Variants in FYN observed in about 807,000 individuals in gnomAD.
FYN encodes tyrosine-protein kinase Fyn.
Under a neutral mutation model 70.2 loss-of-function variants are expected in FYN, and 10 were observed. That is an observed-to-expected ratio of 0.14 (90% CI 0.09 to 0.24). The LOEUF (loss-of-function observed/expected upper bound fraction) is 0.24, where lower values mean the gene tolerates loss of function less well. FYN is among the 10% of genes least tolerant of loss of function. The pLI, the probability that FYN is intolerant of heterozygous loss-of-function variation, is 1.00. For missense variants in FYN, 319 were observed against 673.1 expected (o/e 0.47, Z 5.82); for synonymous variants, 236 against 248.6 (o/e 0.95, Z 0.48).
chr6:111,832,711 AAAC>A lies in FYN; in HGVS notation c.-82+13875_-82+13877del, dbSNP rs917180597. Reference sequence around the variant, plus strand: ...GGTTTTTTCCATTTTTTTTGGCCAAAAACAACATTTCCAAATTATTTCCAGAAT... The same window carrying A: ...GGTTTTTTCCATTTTTTTTGGCCAAAAACATTTCCAAATTATTTCCAGAAT... On this transcript the variant is annotated intron_variant, in intron 2 of 13. Transcript: ENST00000354650. Among the ~76,000 whole-genome samples, 114 of 152,306 alleles carry A rather than the reference AAAC, an allele frequency of 7.5e-4. 1 individual carries two copies. Among genetic ancestry groups the A allele is most frequent in the African/African-American group, 2.6e-3 (107 of 41,570 alleles).
intron 8 of FYN, among the ~76,000 whole-genome samples, chr6:111,701,493 A>G (rs1799832414): frequency 6.6e-6 from 1 of 152,184 alleles, no homozygotes; most frequent in Non-Finnish European, 1.5e-5. Flanking sequence ...AAGGCATTTT[A>G]TTGTGTGAGA....
chr6:111,744,481 G>T (rs149447676), intron 3 of FYN, among the ~76,000 whole-genome samples: 68 of 152,344 alleles, frequency 4.5e-4, no homozygotes, highest in Middle Eastern at 3.4e-3. Context: ...CTTAGGGAGG[G>T]CACTCAGCTG....
At chr6:111,756,290 G>T (rs1802730726) in intron 3 of FYN, among the ~76,000 whole-genome samples, 1 of 151,784 alleles carries the variant, frequency 6.6e-6, no homozygotes, top group Admixed American at 6.6e-5. Context: ...TAACAAGACA[G>T]AAACCTGAAT....
chr6:111,675,621 C>T (rs1032266540), intron 12 of FYN, among the ~76,000 whole-genome samples: 16 of 151,714 alleles, frequency 1.1e-4, no homozygotes, highest in African/African-American at 3.9e-4. Flanking sequence ...GGTGAAACCT[C>T]GTCTCTACTA....
chr6:111,755,131 G>A (rs901677574), intron 3 of FYN, among the ~76,000 whole-genome samples: 5 of 152,044 alleles, frequency 3.3e-5, no homozygotes, highest in African/African-American at 1.2e-4. Context: ...GACTAGATGA[G>A]CTTTAAGGCT....
At chr6:111,732,863 G>A (rs539023760) in intron 3 of FYN, among the ~76,000 whole-genome samples, 61 of 152,154 alleles carry the variant, frequency 4.0e-4, no homozygotes, top group East Asian at 1.2e-3. Flanking sequence ...CCTGGGCCCC[G>A]GACAGCTTCA....
chr6:111,715,535 G>A (rs1003572186), intron 4 of FYN, among the ~76,000 whole-genome samples: 2 of 152,088 alleles, frequency 1.3e-5, no homozygotes, highest in Non-Finnish European at 2.9e-5. Context: ...TCAAAAGATG[G>A]TGACTTCCGT....
rs527469892 is a variant in FYN, at chr6:111,705,988, C to T, written c.444-1886G>A. 4.3e-3 allele frequency among the ~76,000 whole-genome samples: 661 copies of T among 152,326 alleles called. 3 individuals are homozygous for T. Among genetic ancestry groups the T allele is most frequent in the African/African-American group, 0.015 (630 of 41,564 alleles). ...TTGGCACAACTGTAAGAACTGGTTACTGTACACCTTTGAGATCTGTGCCCA... is the reference window on the plus strand; with the variant it reads ...TTGGCACAACTGTAAGAACTGGTTATTGTACACCTTTGAGATCTGTGCCCA... On this transcript the variant is annotated intron_variant, in intron 6 of 13. Coordinates refer to ENST00000354650, the MANE Select transcript of FYN (RefSeq NM_002037.5).
intron 2 of FYN, among the ~76,000 whole-genome samples, chr6:111,811,754 T>G (rs1772331885): frequency 6.6e-6 from 1 of 152,222 alleles, no homozygotes; most frequent in Non-Finnish European, 1.5e-5. Flanking sequence ...TAGATCGTTC[T>G]GCCAGGAATT....
At chr6:111,698,976 G>A (rs1298987215) in intron 9 of FYN, among the ~76,000 whole-genome samples, 3 of 152,088 alleles carry the variant, frequency 2.0e-5, no homozygotes, top group East Asian at 1.9e-4. Context: ...CCAGCTACTC[G>A]GGAGGCTGAG....
chr6:111,816,479 A>G (rs1372647271), intron 2 of FYN, among the ~76,000 whole-genome samples: 1 of 152,208 alleles, frequency 6.6e-6, no homozygotes, highest in Non-Finnish European at 1.5e-5. Flanking sequence ...ATAAAAAAAG[A>G]TCTTCCTTTT....
intron 2 of FYN, among the ~76,000 whole-genome samples, chr6:111,838,373 A>G (rs1773253946): frequency 6.6e-6 from 1 of 152,206 alleles, no homozygotes; most frequent in Non-Finnish European, 1.5e-5. Context: ...ACAGATCACA[A>G]ATGCAGAATA....
At chr6:111,844,805 GC>G (rs1338888146) in intron 2 of FYN, 1 of 152,192 alleles carries the variant, frequency 6.6e-6, no homozygotes, top group Non-Finnish European at 1.5e-5. Flanking sequence ...GTGGCCAACA[GC>G]CCTTTTTCCA....
chr6:111,777,334 T>C (rs1338031405), intron 3 of FYN, among the ~76,000 whole-genome samples: 1 of 151,596 alleles, frequency 6.6e-6, no homozygotes, highest in Non-Finnish European at 1.5e-5. Context: ...TATATTTACA[T>C]AAATCAAATG....
rs1470617147 is a variant in FYN at position 111,806,096 on chromosome 6, C to A, written c.-81-25461G>T. ...GACTGGTCACCACATTCTTCCCACG[C>A]AGTTCCTAGGGTGCCCCAGCACTAG... On this transcript the variant is annotated intron_variant, in intron 2 of 13. Transcript: ENST00000354650. Among the ~76,000 whole-genome samples the A allele has an allele frequency of 2.6e-5, 4 of 152,174 alleles. No individual in the cohort carries two copies. In the East Asian group the frequency reaches 5.8e-4, roughly 22 times the overall value.
chr6:111,861,505 G>GAGAT (rs532113817), intron 1 of FYN, among the ~76,000 whole-genome samples: 173 of 152,294 alleles, frequency 1.1e-3, no homozygotes, highest in African/African-American at 3.9e-3. Flanking sequence ...ATCCACCACT[G>GAGAT]CTTCTCGAAG....
chr6:111,686,359 T>C (rs995036440), intron 12 of FYN, among the ~76,000 whole-genome samples: 2 of 152,144 alleles, frequency 1.3e-5, no homozygotes, highest in Non-Finnish European at 1.5e-5. Flanking sequence ...GGTTCAGGCA[T>C]GCGACTCAGC....
chr6:111,844,020 G>A (rs1773444827), intron 2 of FYN, among the ~76,000 whole-genome samples: 1 of 152,158 alleles, frequency 6.6e-6, no homozygotes, highest in Non-Finnish European at 1.5e-5. Flanking sequence ...AAGTAAGGTG[G>A]GGTATGGGAA....
Position 111,707,927 on chromosome 6 carries a change from T to C in FYN, c.438A>G (p.Ala146=). The change falls in exon 6 of 14, where the codon GCA becomes GCG. Residue 146 remains alanine (A), a synonymous_variant. Transcript: ENST00000354650. ...NYVAPVDSIQ[A]EEWYFGKLGR... is the part of the protein sequence containing the mutation. ...GAAAACAAAATGAAACATACTCTTC[T>C]GCCTGGATAGAGTCAACTGGAGCCA... 3 of 1,611,724 alleles carry C rather than the reference T, an allele frequency of 1.9e-6. No individual in the cohort carries two copies. The highest frequency in any genetic ancestry group is 2.5e-6 in the Non-Finnish European group (3 of 1,177,800).
Sources: allele counts gnomAD v4.1 joint callset (sites outside exome capture counted in the v4.1 genomes callset), GRCh38; gene constraint gnomAD v4.1.1; transcripts MANE v1.5; gene names NCBI Gene and HGNC (gene_info 2026-07-23, HGNC 2026-07-21).